The following DOCK5 variants were observed in gnomAD, a reference collection of about 807,000 sequenced individuals.
The protein encoded by DOCK5 is dedicator of cytokinesis protein 5.
In DOCK5, 142 loss-of-function variants were observed where a neutral mutation model predicts 251.8. The ratio of observed to expected loss-of-function variants is 0.56; its 90% confidence interval spans 0.49 to 0.65. The LOEUF (loss-of-function observed/expected upper bound fraction) is 0.65. DOCK5 is among the 30% of genes least tolerant of loss of function. The pLI is 0.00. For missense variants in DOCK5, 2,111 were observed against 2,312.3 expected (o/e 0.91, Z 1.79); for synonymous variants, 842 against 835.5 (o/e 1.01, Z -0.13).
At chr8:25,270,785 C>T (rs1270462363) in intron 3 of DOCK5, 6 of 712,576 alleles carry the variant, frequency 8.4e-6, no homozygotes, top group Non-Finnish European at 1.6e-5. Context: ...TCCTCATTTC[C>T]ACAGGCAATT....
In DOCK5 at chr8:25,413,633, C is replaced by A. The variant is rs1167783252; in HGVS notation, c.*2335C>A. On this transcript the variant is annotated 3_prime_UTR_variant, in exon 52 of 52. Transcript: ENST00000276440. Reference sequence around the variant, plus strand: ...AAACCAAACCTCAAGGCTATCCTTCCAGAGCAGTAGAAATGAGTCCCACAG... The same window carrying A: ...AAACCAAACCTCAAGGCTATCCTTCAAGAGCAGTAGAAATGAGTCCCACAG... The A allele has an allele frequency of 6.6e-6, 1 of 152,220 alleles. No homozygotes were observed. Among genetic ancestry groups the A allele is most frequent in the Non-Finnish European group, 1.5e-5 (1 of 68,050 alleles). 9.4% of individuals were successfully genotyped at this position (152,220 alleles called of 1,614,324 possible).
At chr8:25,296,716 A>G in intron 7 of DOCK5, 68 bp downstream of exon 7, 3 of 1,578,586 alleles carry the variant, frequency 1.9e-6, no homozygotes, top group Non-Finnish European at 2.6e-6. Flanking sequence ...TTAATGAAAG[A>G]AAGGGAAATC....
At chr8:25,369,212 T>C (rs949406898) in intron 33 of DOCK5, among the ~76,000 whole-genome samples, 11 of 152,230 alleles carry the variant, frequency 7.2e-5, no homozygotes, top group Non-Finnish European at 1.5e-4. Context: ...TATGAACCTC[T>C]GCAAAAGCAA....
chr8:25,299,653 ACT>A (rs1212235213), intron 8 of DOCK5, among the ~76,000 whole-genome samples: 11 of 152,088 alleles, frequency 7.2e-5, no homozygotes, highest in Middle Eastern at 6.8e-3. Context: ...ATGTTATGGG[ACT>A]CTATTTTCAG....
chr8:25,339,458 G>A (rs1470835592), intron 22 of DOCK5, among the ~76,000 whole-genome samples: 1 of 152,190 alleles, frequency 6.6e-6, no homozygotes, highest in African/African-American at 2.4e-5. Context: ...TGGAGTTCAG[G>A]GAGGCAAGGA....
chr8:25,306,457 A>G (rs1804929245), intron 11 of DOCK5, among the ~76,000 whole-genome samples: 2 of 152,184 alleles, frequency 1.3e-5, no homozygotes, highest in Non-Finnish European at 2.9e-5. Flanking sequence ...CTGTAATCCC[A>G]GCACTTTGGG....
intron 2 of DOCK5, among the ~76,000 whole-genome samples, chr8:25,246,891 T>G (rs948328405): frequency 3.9e-5 from 5 of 126,724 alleles, no homozygotes; most frequent in African/African-American, 8.9e-5. Flanking sequence ...TTGTTTTTTG[T>G]TTTTTTTTTC....
At chr8:25,377,184 G>T (rs1196880140) in intron 37 of DOCK5, 121 bp from the exon 38 acceptor site, 7 of 1,338,824 alleles carry the variant, frequency 5.2e-6, no homozygotes, top group Non-Finnish European at 6.9e-6. Flanking sequence ...TGTAACTTTT[G>T]TGTTTAATAC....
chr8:25,341,192 G>T (rs952457482), intron 23 of DOCK5, among the ~76,000 whole-genome samples: 2 of 152,090 alleles, frequency 1.3e-5, no homozygotes, highest in African/African-American at 4.8e-5. Flanking sequence ...GTGTCAACTT[G>T]CCAAAGACAA....
At chr8:25,397,943 A>T (rs1159506937) in intron 45 of DOCK5, among the ~76,000 whole-genome samples, 2 of 152,240 alleles carry the variant, frequency 1.3e-5, no homozygotes, top group Non-Finnish European at 2.9e-5. Flanking sequence ...AAAAAGGTAA[A>T]CTCATTAATC....
chr8:25,355,194 A>G (rs542426379), intron 27 of DOCK5, among the ~76,000 whole-genome samples: 1 of 152,202 alleles, frequency 6.6e-6, no homozygotes, highest in South Asian at 2.1e-4. Context: ...TGAAGGTGCC[A>G]CTGTGCTTCA....
chr8:25,365,474 C>A (rs1442174047), intron 30 of DOCK5, among the ~76,000 whole-genome samples: 1 of 152,140 alleles, frequency 6.6e-6, no homozygotes, highest in Non-Finnish European at 1.5e-5. Context: ...GCAATAAAAG[C>A]CAGATTTATT....
At chr8:25,324,931 A>G (rs1057506807) in intron 17 of DOCK5, among the ~76,000 whole-genome samples, 1 of 151,764 alleles carries the variant, frequency 6.6e-6, no homozygotes, top group Non-Finnish European at 1.5e-5. Context: ...TTTGCTGAGA[A>G]TGATGGTTTC....
At chr8:25,311,386 A>G (rs1805090935) in intron 13 of DOCK5, among the ~76,000 whole-genome samples, 1 of 151,866 alleles carries the variant, frequency 6.6e-6, no homozygotes, top group Non-Finnish European at 1.5e-5. Flanking sequence ...TACTAAAAAT[A>G]CAAAAAATTA....
intron 2 of DOCK5, among the ~76,000 whole-genome samples, chr8:25,256,222 T>C (rs1195742147): frequency 1.3e-5 from 2 of 152,220 alleles, no homozygotes; most frequent in Non-Finnish European, 2.9e-5. Context: ...ACTTTTCCAA[T>C]AGGAATATAG....
At chr8:25,195,862 C>T (rs1801712327) in intron 1 of DOCK5, among the ~76,000 whole-genome samples, 1 of 152,180 alleles carries the variant, frequency 6.6e-6, no homozygotes, top group African/African-American at 2.4e-5. Context: ...TGTGCCCCAG[C>T]CCCTGGAATA....
chr8:25,219,183 A>G (rs1306874859), intron 1 of DOCK5, among the ~76,000 whole-genome samples: 2 of 152,158 alleles, frequency 1.3e-5, no homozygotes, highest in Non-Finnish European at 1.5e-5. Flanking sequence ...TTCCATGTTT[A>G]TGATATTATG....
chr8:25,298,887 C>G, intron 7 of DOCK5, 57 bp from the exon 8 acceptor site: 1 of 1,524,220 alleles, frequency 6.6e-7, no homozygotes, highest in Non-Finnish European at 8.8e-7. Context: ...TTTATTTTTG[C>G]CAACATTTCC....
intron 1 of DOCK5, among the ~76,000 whole-genome samples, chr8:25,206,833 G>A (rs1410341485): frequency 6.6e-6 from 1 of 152,232 alleles, no homozygotes; most frequent in Non-Finnish European, 1.5e-5. Context: ...CTAAAAGGAT[G>A]TCGTTTGGGA....
Sources: allele counts gnomAD v4.1 joint callset (sites outside exome capture counted in the v4.1 genomes callset), GRCh38; gene constraint gnomAD v4.1.1; transcripts MANE v1.5; gene names NCBI Gene and HGNC (gene_info 2026-07-23, HGNC 2026-07-21).